The following ANKRD46 variants were observed in gnomAD, a reference collection of about 807,000 sequenced individuals.
ANKRD46 encodes the protein ankyrin repeat domain 46.
Under a neutral mutation model 19.8 loss-of-function variants are expected in ANKRD46, and 13 were observed. That is an observed-to-expected ratio of 0.66 (90% CI 0.43 to 1.04). The LOEUF (loss-of-function observed/expected upper bound fraction) is 1.04, where lower values mean the gene tolerates loss of function less well. Ranked by LOEUF, ANKRD46 falls within the 50% of genes least tolerant of loss-of-function variation. The pLI is 0.00. For synonymous variants in ANKRD46, 91 were observed against 106.9 expected (o/e 0.85, Z 0.92); for missense variants, 185 against 274.8 (o/e 0.67, Z 2.31).
intron 1 of ANKRD46, among the ~76,000 whole-genome samples, chr8:100,547,795 TTTCA>T (rs944876564): frequency 6.6e-6 from 1 of 152,228 alleles, no homozygotes; most frequent in African/African-American, 2.4e-5. Flanking sequence ...CAGTTCTGTC[TTTCA>T]TTGTCTTGCA....
chr8:100,549,836 G>T (rs1812345681), intron 1 of ANKRD46, among the ~76,000 whole-genome samples: 1 of 151,994 alleles, frequency 6.6e-6, no homozygotes, highest in African/African-American at 2.4e-5. Context: ...AAATTTTCTG[G>T]GCTCTGCCTA....
At chr8:100,516,700 C>T (rs1211589111), downstream of ANKRD46, among the ~76,000 whole-genome samples, 1 of 152,194 alleles carries the variant, frequency 6.6e-6, no homozygotes, top group Non-Finnish European at 1.5e-5. Flanking sequence ...AAGATGAATT[C>T]TACCTGATCA....
In ANKRD46 at chr8:100,550,034, A is replaced by C. The variant is rs903415529; in HGVS notation, c.-131+9677T>G. On this transcript the variant is annotated intron_variant, in intron 1 of 4. Transcript: ENST00000335659. This position sits in a 1 kb window ranked among gnomAD's most constrained non-coding sequence, Gnocchi z 4.4. ...TCTCTTTAGGACTGCATAATATGTCATTCTCTGTATGTATTACAGTTTATC... is the reference window on the plus strand; with the variant it reads ...TCTCTTTAGGACTGCATAATATGTCCTTCTCTGTATGTATTACAGTTTATC... Among the ~76,000 whole-genome samples the C allele has an allele frequency of 1.3e-5, 2 of 152,124 alleles. No individual in the cohort carries two copies. The highest frequency in any genetic ancestry group is 4.8e-5 in the African/African-American group (2 of 41,408).
chr8:100,538,485 G>A (rs1324783220), intron 1 of ANKRD46, among the ~76,000 whole-genome samples: 2 of 152,104 alleles, frequency 1.3e-5, no homozygotes, highest in Non-Finnish European at 2.9e-5. Context: ...ATGTGCATAG[G>A]TTATATGCAA....
intron 1 of ANKRD46, among the ~76,000 whole-genome samples, chr8:100,540,064 T>C (rs764166463): frequency 1.3e-5 from 2 of 152,254 alleles, no homozygotes; most frequent in African/African-American, 2.4e-5. Context: ...ACATTTGAGA[T>C]ACACAGTATT....
downstream of ANKRD46, among the ~76,000 whole-genome samples, chr8:100,517,201 C>A (rs1811647656): frequency 6.6e-6 from 1 of 152,220 alleles, no homozygotes; most frequent in Admixed American, 6.5e-5. Flanking sequence ...CTCCACTGAC[C>A]TGACTTGAAC....
intron 4 of ANKRD46, among the ~76,000 whole-genome samples, chr8:100,523,136 TG>T (rs1811767983): frequency 6.7e-6 from 1 of 148,214 alleles, no homozygotes; most frequent in South Asian, 2.2e-4. Context: ...GGGACCAGCC[TG>T]GGTAACATAG....
intron 1 of ANKRD46, among the ~76,000 whole-genome samples, chr8:100,547,708 T>C (rs1812300502): frequency 1.3e-5 from 2 of 152,312 alleles, no homozygotes; most frequent in Admixed American, 6.5e-5. Context: ...ATGGTAACAA[T>C]ATCTCCCTAG....
At chr8:100,514,437 C>T (rs891777148) in intron 5 of ANKRD46, among the ~76,000 whole-genome samples, 3 of 151,626 alleles carry the variant, frequency 2.0e-5, no homozygotes, top group African/African-American at 4.9e-5. Context: ...TCAGAGCTTA[C>T]GTTTAAATTG....
Position 100,510,791 on chromosome 8 carries a change from A to C in ANKRD46, c.637-152T>G, listed in dbSNP as rs867448020. 3.3e-5 allele frequency among the ~76,000 whole-genome samples: 5 copies of C among 152,322 alleles called. No homozygotes were observed. In the Middle Eastern group the frequency reaches 0.01, roughly 311 times the overall value. On this transcript the variant is annotated intron_variant, in intron 5 of 5. Coordinates refer to the ANKRD46 transcript ENST00000520552. The surrounding 1 kb of genome is among the most constrained non-coding windows in gnomAD (Gnocchi z 4.9). ...CTGCCCATCTCAGCTCTCAACGCTC[A>C]CAGGAAGGGTCCTGCCGCTTCACAA... is the stretch of plus-strand genomic sequence containing the variant.
In ANKRD46 at chr8:100,536,934, T is replaced by C. The variant is rs1017149739; in HGVS notation, c.-130-3623A>G. On this transcript the variant is annotated intron_variant, in intron 1 of 4. Transcript: ENST00000335659. The surrounding 1 kb of genome is among the most constrained non-coding windows in gnomAD (Gnocchi z 4.9). ...ACTTGAAGATGGAGTCATTTATCCT[T>C]TCACATGACGCAGTCACTTAGATCG... 9.9e-5 allele frequency among the ~76,000 whole-genome samples: 15 copies of C among 152,206 alleles called. No individual in the cohort carries two copies. The highest frequency in any genetic ancestry group is 3.4e-4 in the African/African-American group (14 of 41,442).
In ANKRD46 at chr8:100,521,092, A is replaced by G. The variant is rs1187852409; in HGVS notation, c.*1463T>C. On this transcript the variant is annotated 3_prime_UTR_variant, in exon 5 of 5. Coordinates refer to ENST00000335659, the MANE Select transcript of ANKRD46 (RefSeq NM_001270377.2). Reference sequence around the variant, plus strand: ...GCAAGACTCTGCAAGCTGATCCTGAAGCAGCCAGTTACTCAGGAATTTTAC... The same window carrying G: ...GCAAGACTCTGCAAGCTGATCCTGAGGCAGCCAGTTACTCAGGAATTTTAC... 1.0e-6 allele frequency: 1 copy of G among 985,120 alleles called. No individual in the cohort carries two copies. The highest frequency in any genetic ancestry group is 1.7e-5 in the African/African-American group (1 of 57,150). The allele number at this position is 985,120 out of a possible 1,614,324, so 61.0% of individuals were successfully genotyped here.
chr8:100,550,080 T>C lies in ANKRD46; in HGVS notation c.-131+9631A>G, dbSNP rs1057336360. 2.0e-5 allele frequency among the ~76,000 whole-genome samples: 3 copies of C among 152,212 alleles called. No individual in the cohort carries two copies. Among genetic ancestry groups the C allele is most frequent in the African/African-American group, 7.2e-5 (3 of 41,452 alleles). ...TTATCTGTTCACCTACTGAAGGACA[T>C]CTTGGTTGCTTCCATGTTCTGGCAA... On this transcript the variant is annotated intron_variant, in intron 1 of 4. Coordinates refer to ENST00000335659, the MANE Select transcript of ANKRD46 (RefSeq NM_001270377.2). This position sits in a 1 kb window ranked among gnomAD's most constrained non-coding sequence, Gnocchi z 4.4.
downstream of ANKRD46, among the ~76,000 whole-genome samples, chr8:100,519,792 A>G (rs1259717588): frequency 6.6e-6 from 1 of 152,178 alleles, no homozygotes; most frequent in African/African-American, 2.4e-5. Flanking sequence ...TCGTTCATGA[A>G]GCTACAGGCG....
In ANKRD46 at chr8:100,527,347, C is replaced by T. The variant is rs979645379; in HGVS notation, c.470+498G>A. ...TGTTTCTCAGCATTCCACTTCCCTA[C>T]CCTTGAAACTACCTTTCAGTCTTTT... is the stretch of plus-strand genomic sequence containing the variant. On this transcript the variant is annotated intron_variant, in intron 4 of 4. Coordinates refer to ENST00000335659, the MANE Select transcript of ANKRD46 (RefSeq NM_001270377.2). The surrounding 1 kb of genome is among the most constrained non-coding windows in gnomAD (Gnocchi z 4.0). 1.8e-4 allele frequency among the ~76,000 whole-genome samples: 28 copies of T among 152,222 alleles called. No individual in the cohort carries two copies. The highest frequency in any genetic ancestry group is 3.9e-4 in the Admixed American group (6 of 15,284).
At chr8:100,551,861 C>T (rs1369796043) in intron 1 of ANKRD46, 3 of 325,548 alleles carry the variant, frequency 9.2e-6, no homozygotes, top group African/African-American at 6.5e-5. Context: ...CTTTTGAAAA[C>T]ATTTTGGGCT....
In ANKRD46 at chr8:100,559,037, CCTT is replaced by C. The variant is rs1812559763; in HGVS notation, c.-131+671_-131+673del. 1 of 152,160 alleles carries C rather than the reference CCTT, an allele frequency of 6.6e-6. No individual in the cohort carries two copies. Among genetic ancestry groups the C allele is most frequent in the Non-Finnish European group, 1.5e-5 (1 of 68,032 alleles). 9.4% of individuals were successfully genotyped at this position (152,160 alleles called of 1,614,324 possible). On this transcript the variant is annotated intron_variant, in intron 1 of 4. Transcript: ENST00000335659. The surrounding 1 kb of genome is among the most constrained non-coding windows in gnomAD (Gnocchi z 6.0). ...GCTACTATTCAATGGCATATTTTTA[CCTT>C]ATTATGTTCTGTAGCCAATTCCGAA...
chr8:100,555,272 A>C (rs1428995062), intron 1 of ANKRD46, among the ~76,000 whole-genome samples: 1 of 151,872 alleles, frequency 6.6e-6, no homozygotes, highest in Non-Finnish European at 1.5e-5. Context: ...TAAAAAAAAA[A>C]CCAAAAGAAA....
rs1487757797 is a variant in ANKRD46 at position 100,521,880 on chromosome 8, A to G, written c.*675T>C. On this transcript the variant is annotated 3_prime_UTR_variant, in exon 5 of 5. Transcript: ENST00000335659. Reference sequence around the variant, plus strand: ...AAATGAACTCATTTATTTTTCACAGATATTAACAAGCAAAGCAGTTTACAA... The same window carrying G: ...AAATGAACTCATTTATTTTTCACAGGTATTAACAAGCAAAGCAGTTTACAA... 52 of 984,964 alleles carry G rather than the reference A, an allele frequency of 5.3e-5. No homozygotes were observed. In the South Asian group the frequency reaches 1.6e-3, roughly 31 times the overall value. 61.0% of individuals were successfully genotyped at this position (984,964 alleles called of 1,614,324 possible).
Sources: allele counts gnomAD v4.1 joint callset (sites outside exome capture counted in the v4.1 genomes callset), GRCh38; gene constraint gnomAD v4.1.1; non-coding constraint Gnocchi (gnomAD v3.1); transcripts MANE v1.5; gene names NCBI Gene and HGNC (gene_info 2026-07-23, HGNC 2026-07-21).